COL25A1: variants seen among roughly 807,000 people sequenced by gnomAD.
COL25A1 encodes the protein collagen alpha-1(XXV) chain.
COL25A1 carries 103 observed loss-of-function variants against 128.4 expected under a neutral mutation model. The ratio of observed to expected loss-of-function variants is 0.80; its 90% CI spans 0.68 to 0.94. The LOEUF (loss-of-function observed/expected upper bound fraction) is 0.94. Among genes scored for constraint, COL25A1 ranks in the 40% least tolerant of loss-of-function variants. COL25A1 has a pLI of 0.00. For synonymous variants in COL25A1, 279 were observed against 277.2 expected, an observed-to-expected ratio of 1.01 and a Z score of -0.06; for missense variants, 745 against 840.0, an observed-to-expected ratio of 0.89 and a Z score of 1.40.
intron 6 of COL25A1, among the ~76,000 whole-genome samples, chr4:109,001,406 G>T (rs1755379732): frequency 1.3e-5 from 2 of 152,294 alleles, no homozygotes; most frequent in Non-Finnish European, 1.5e-5. Context: ...AGGCATCTGA[G>T]ATCCTGTCAG....
intron 5 of COL25A1, among the ~76,000 whole-genome samples, chr4:109,042,145 T>A (rs1409407111): frequency 1.3e-5 from 2 of 152,082 alleles, no homozygotes; most frequent in Admixed American, 6.6e-5. Context: ...ACTTCCAGAA[T>A]TCCAAACTTC....
At chr4:109,094,330 C>A (rs1203266847) in intron 3 of COL25A1, among the ~76,000 whole-genome samples, 1 of 152,126 alleles carries the variant, frequency 6.6e-6, no homozygotes, top group Non-Finnish European at 1.5e-5. Flanking sequence ...CAAGGCAAAC[C>A]CTTGAATTTA....
chr4:108,827,875 T>G (rs1016690950), intron 32 of COL25A1, among the ~76,000 whole-genome samples: 6 of 152,124 alleles, frequency 3.9e-5, no homozygotes, highest in Admixed American at 3.9e-4. Flanking sequence ...CCTTTCTCGA[T>G]TGCCCACTTC....
chr4:109,083,448 A>ATTTTTTTTTTTT lies in COL25A1; in HGVS notation c.368-33281_368-33270dup, dbSNP rs60165291. The stretch of plus-strand genomic sequence containing the variant: ...CACCAATAACTTTTACACTAAATAA[A>ATTTTTTTTTTTT]TTTTTTTTTTTTTTTTTTTTTTTTT... On this transcript the variant is annotated intron_variant, in intron 3 of 37. Coordinates refer to ENST00000399132, the MANE Select transcript of COL25A1 (RefSeq NM_198721.4). Among the ~76,000 whole-genome samples, 34 of 77,050 alleles carry ATTTTTTTTTTTT rather than the reference A, an allele frequency of 4.4e-4. 1 individual carries two copies. The highest frequency in any genetic ancestry group is 1.1e-3 in the South Asian group (2 of 1,898). The allele number at this position is 77,050 out of a possible 152,430, so 50.5% of individuals were successfully genotyped here.
chr4:109,067,196 T>A (rs1048227287), intron 3 of COL25A1, among the ~76,000 whole-genome samples: 7 of 152,316 alleles, frequency 4.6e-5, no homozygotes, highest in Middle Eastern at 6.8e-3. Flanking sequence ...CACCTGCCAC[T>A]GTCCTCTGGA....
chr4:109,196,096 C>T (rs938942564), intron 3 of COL25A1, among the ~76,000 whole-genome samples: 1 of 152,136 alleles, frequency 6.6e-6, no homozygotes, highest in African/African-American at 2.4e-5. Context: ...TGCTCCATGC[C>T]TAATGCAAAG....
chr4:109,118,334 T>C (rs1413899514), intron 3 of COL25A1, among the ~76,000 whole-genome samples: 2 of 150,912 alleles, frequency 1.3e-5, no homozygotes, highest in African/African-American at 4.9e-5. Flanking sequence ...ATTTCAAAAT[T>C]GTTAAAATAA....
At chr4:108,917,606 A>AG (rs1745021592) in intron 13 of COL25A1, among the ~76,000 whole-genome samples, 1 of 152,218 alleles carries the variant, frequency 6.6e-6, no homozygotes, top group Admixed American at 6.5e-5. Flanking sequence ...AGATATGTGT[A>AG]TGTAGACTGT....
At position 109,051,702 on chromosome 4, in the gene COL25A1, A is replaced by G. The variant is rs530401177; in HGVS notation, c.368-1523T>C. ...TAAGACTAAGAATTATATTTTTTCT[A>G]GTATAACATCACTTAAACTAAGAAC... On this transcript the variant is annotated intron_variant, in intron 3 of 37. Coordinates refer to ENST00000399132, the MANE Select transcript of COL25A1 (RefSeq NM_198721.4). Among the ~76,000 whole-genome samples the G allele has an allele frequency of 1.5e-3, 221 of 152,006 alleles. 2 individuals carry two copies. The highest frequency in any genetic ancestry group is 5.0e-3 in the African/African-American group (207 of 41,454).
At chr4:108,923,275 C>CG (rs1745677907) in intron 11 of COL25A1, among the ~76,000 whole-genome samples, 1 of 152,144 alleles carries the variant, frequency 6.6e-6, no homozygotes, top group Non-Finnish European at 1.5e-5. Context: ...CTTGCGGTTT[C>CG]TGGTACAAAT....
chr4:109,067,736 AT>A (rs1468437284), intron 3 of COL25A1, among the ~76,000 whole-genome samples: 1 of 152,208 alleles, frequency 6.6e-6, no homozygotes, highest in African/African-American at 2.4e-5. Flanking sequence ...GCTTATGCTG[AT>A]TTTTTTGAGG....
intron 3 of COL25A1, among the ~76,000 whole-genome samples, chr4:109,134,124 G>A (rs984621610): frequency 1.3e-5 from 2 of 151,310 alleles, no homozygotes; most frequent in African/African-American, 4.8e-5. Context: ...CAAAAATGAC[G>A]AGTTCCACAT....
chr4:109,264,563 C>G (rs1781667710), intron 3 of COL25A1, among the ~76,000 whole-genome samples: 1 of 152,116 alleles, frequency 6.6e-6, no homozygotes, highest in Admixed American at 6.5e-5. Context: ...TGGGTGGTGC[C>G]AGGGAAGTCA....
chr4:108,868,941 AAAG>A lies in COL25A1; in HGVS notation c.1083+144_1083+146del, dbSNP rs530341902. 5.5e-5 allele frequency: 31 copies of A among 558,876 alleles called. No individual in the cohort carries two copies. The South Asian group carries it at 7.5e-4, about 14-fold the overall frequency. 34.6% of individuals were successfully genotyped at this position (558,876 alleles called of 1,614,324 possible). A position where few individuals can be genotyped will look rare whatever the true frequency, so the allele number is the denominator to read the frequency against. ...AGAGAAAGAAAAGAAGGAAGGAAAG[AAAG>A]AAAAGAAAGAAAGAAAAAGGAAAGA... On this transcript the variant is annotated intron_variant, in intron 20 of 37. Transcript: ENST00000399132.
intron 3 of COL25A1, among the ~76,000 whole-genome samples, chr4:109,137,303 T>G (rs143260424): frequency 6.6e-6 from 1 of 152,376 alleles, no homozygotes; most frequent in East Asian, 1.9e-4. Flanking sequence ...AATCTGGAAC[T>G]ATCCATGAAA....
chr4:109,181,387 A>G (rs974513786), intron 3 of COL25A1, among the ~76,000 whole-genome samples: 1 of 152,142 alleles, frequency 6.6e-6, no homozygotes, highest in Non-Finnish European at 1.5e-5. Flanking sequence ...ATTAAATTTA[A>G]TATTTCAGTA....
chr4:108,984,597 C>T (rs1380543532), intron 6 of COL25A1, among the ~76,000 whole-genome samples: 1 of 152,236 alleles, frequency 6.6e-6, no homozygotes, highest in Non-Finnish European at 1.5e-5. Flanking sequence ...GGCCCAGGTG[C>T]TAAGCCCCTC....
chr4:108,861,297 T>C (rs1237589910), intron 22 of COL25A1, among the ~76,000 whole-genome samples: 3 of 152,154 alleles, frequency 2.0e-5, no homozygotes, highest in Non-Finnish European at 4.4e-5. Flanking sequence ...CCTTGCAAAT[T>C]GAGCCATTTT....
intron 8 of COL25A1, 59 bp from the exon 9 acceptor site, chr4:108,941,496 A>T: frequency 8.4e-7 from 1 of 1,192,312 alleles, no homozygotes; most frequent in Non-Finnish European, 1.3e-6. Context: ...TGAAGAATAG[A>T]CATCAGAAGG....
Sources: gnomAD v4.1 joint callset for allele counts (sites outside exome capture counted in the v4.1 genomes callset) on GRCh38, gnomAD v4.1.1 for gene constraint, MANE v1.5 for transcripts, NCBI Gene and HGNC (gene_info 2026-07-23, HGNC 2026-07-21) for gene names.